BMPR1A: variants seen among roughly 807,000 people sequenced by gnomAD.
BMPR1A encodes bone morphogenetic protein receptor type-1A.
BMPR1A carries 7 observed loss-of-function variants against 66.0 expected under a neutral mutation model. The ratio of observed to expected loss-of-function variants is 0.11; its 90% CI spans 0.06 to 0.20. The LOEUF (loss-of-function observed/expected upper bound fraction) is 0.20. Ranked by LOEUF, BMPR1A falls within the 10% of genes least tolerant of loss-of-function variation. The pLI is 1.00. For synonymous variants in BMPR1A, 200 were observed against 229.7 expected (o/e 0.87, Z 1.17); for missense variants, 408 against 669.1 (o/e 0.61, Z 4.31).
intron 2 of BMPR1A, among the ~76,000 whole-genome samples, chr10:86,846,125 A>T (rs528073224): frequency 6.6e-6 from 1 of 152,182 alleles, no homozygotes; most frequent in African/African-American, 2.4e-5. Flanking sequence ...AGAATGCTCT[A>T]AGAGCCCTCA....
chr10:86,800,332 G>C (rs1047347907), intron 1 of BMPR1A, among the ~76,000 whole-genome samples: 1 of 152,148 alleles, frequency 6.6e-6, no homozygotes, highest in African/African-American at 2.4e-5. Context: ...AGTGAGCCGA[G>C]GGGGGAGTGA....
intron 2 of BMPR1A, among the ~76,000 whole-genome samples, chr10:86,850,283 C>T (rs1418046732): frequency 7.9e-5 from 12 of 151,052 alleles, no homozygotes; most frequent in East Asian, 2.0e-4. Flanking sequence ...ATAGCGCCAC[C>T]GCACTCCAGC....
At chr10:86,812,135 T>C (rs1004280266) in intron 1 of BMPR1A, among the ~76,000 whole-genome samples, 3 of 152,068 alleles carry the variant, frequency 2.0e-5, no homozygotes, top group Admixed American at 1.3e-4. Flanking sequence ...TCTATAGATA[T>C]AACAAACTAC....
intron 2 of BMPR1A, among the ~76,000 whole-genome samples, chr10:86,847,401 G>A (rs1374427691): frequency 6.6e-6 from 1 of 151,794 alleles, no homozygotes; most frequent in Non-Finnish European, 1.5e-5. Context: ...TTTAACCTCT[G>A]ATTATATCTT....
chr10:86,871,637 C>A (rs955240324), intron 2 of BMPR1A, among the ~76,000 whole-genome samples: 1 of 151,902 alleles, frequency 6.6e-6, no homozygotes, highest in Non-Finnish European at 1.5e-5. Flanking sequence ...CATGGCAAAC[C>A]CCATCTCAAC....
At chr10:86,881,911 T>C (rs1447293639) in intron 3 of BMPR1A, among the ~76,000 whole-genome samples, 1 of 152,220 alleles carries the variant, frequency 6.6e-6, no homozygotes, top group African/African-American at 2.4e-5. Context: ...ATAATATAAT[T>C]GGAAATTTGA....
At position 86,917,255 on chromosome 10, in the gene BMPR1A, C is replaced by G. The variant is rs1554890797; in HGVS notation, c.797C>G (p.Thr266Ser). The change falls in exon 9 of 13, where the codon ACT (threonine) becomes AGT (serine). Residue 266 changes from threonine to serine, a missense_variant. Physicochemically the swap from Thr to Ser is moderately conservative, Grantham distance 58 (BLOSUM62 1). This residue lies in a region of BMPR1A where 174 missense variants were observed against 265.1 expected (regional missense o/e 0.66). Coordinates refer to ENST00000372037, the MANE Select transcript of BMPR1A (RefSeq NM_004329.3). The stretch of plus-strand genomic sequence containing the variant: ...GTGGCGGTGAAAGTATTCTTTACCA[C>G]TGAAGAAGCCAGCTGGTTTCGAGAA... ...EKVAVKVFFTTEEASWFRETE... is the reference protein window; with the variant it reads ...EKVAVKVFFTSEEASWFRETE... The G allele has an allele frequency of 1.2e-6, 2 of 1,613,912 alleles. No individual in the cohort carries two copies. The highest frequency in any genetic ancestry group is 8.5e-7 in the Non-Finnish European group (1 of 1,179,904).
chr10:86,797,564 C>T (rs888309942), intron 1 of BMPR1A, among the ~76,000 whole-genome samples: 3 of 151,972 alleles, frequency 2.0e-5, no homozygotes, highest in African/African-American at 7.3e-5. Flanking sequence ...CGAGGTTTCA[C>T]CACGTTGGCC....
chr10:86,903,713 G>A (rs772894903), intron 7 of BMPR1A, among the ~76,000 whole-genome samples: 9 of 151,956 alleles, frequency 5.9e-5, no homozygotes, highest in Admixed American at 3.9e-4. Context: ...CCGGGTTTAC[G>A]CCATTCTCTT....
intron 1 of BMPR1A, among the ~76,000 whole-genome samples, chr10:86,835,891 G>A (rs1021120936): frequency 6.6e-6 from 1 of 152,188 alleles, no homozygotes; most frequent in African/African-American, 2.4e-5. Flanking sequence ...GTGTTTGTTT[G>A]CAAATAATTA....
intron 2 of BMPR1A, among the ~76,000 whole-genome samples, chr10:86,842,610 C>T (rs756581452): frequency 4.6e-5 from 7 of 152,036 alleles, no homozygotes; most frequent in Non-Finnish European, 1.0e-4. Context: ...TATTTTGGAT[C>T]GTAATTTTTT....
intron 2 of BMPR1A, among the ~76,000 whole-genome samples, chr10:86,849,790 C>T (rs947015873): frequency 6.6e-5 from 10 of 152,100 alleles, no homozygotes; most frequent in Admixed American, 5.2e-4. Context: ...GAATGTTGTT[C>T]CTAGGTATCA....
At chr10:86,817,181 C>G (rs1032289837) in intron 1 of BMPR1A, among the ~76,000 whole-genome samples, 2 of 152,184 alleles carry the variant, frequency 1.3e-5, no homozygotes, top group Middle Eastern at 3.2e-3. Flanking sequence ...CACCATCCAT[C>G]TCCCATACTC....
intron 1 of BMPR1A, among the ~76,000 whole-genome samples, chr10:86,778,568 A>G (rs1468977635): frequency 2.6e-5 from 4 of 152,212 alleles, no homozygotes; most frequent in African/African-American, 4.8e-5. Context: ...CATATCCATC[A>G]TCTTAAACAT....
rs113577558 is a variant in BMPR1A, at chr10:86,845,825, G to A, written c.-153+6846G>A. Among the ~76,000 whole-genome samples, 826 of 151,968 alleles carry A rather than the reference G, an allele frequency of 5.4e-3. 4 individuals carry two copies. The highest frequency in any genetic ancestry group is 0.01 in the Middle Eastern group (3 of 292). ...ATCCTGGCTAACATGGTGAAACCCCGTCTCTACTAAAAATACAAAAAATTA... is the reference window on the plus strand; with the variant it reads ...ATCCTGGCTAACATGGTGAAACCCCATCTCTACTAAAAATACAAAAAATTA... On this transcript the variant is annotated intron_variant, in intron 2 of 12. Coordinates refer to ENST00000372037, the MANE Select transcript of BMPR1A (RefSeq NM_004329.3).
rs1190481905 is a variant in BMPR1A at position 86,790,234 on chromosome 10, T to TATAA, written c.-268+33317_-268+33318insAAAT. On this transcript the variant is annotated intron_variant, in intron 1 of 12. Coordinates refer to ENST00000372037, the MANE Select transcript of BMPR1A (RefSeq NM_004329.3). ...ATATATATATATATATATATATATA[T>TATAA]ATCAAAACCACAATGAGATTCTGCT... 1.1e-3 allele frequency among the ~76,000 whole-genome samples: 52 copies of TATAA among 48,010 alleles called. 7 individuals carry two copies. The highest frequency in any genetic ancestry group is 1.6e-3 in the Non-Finnish European group (39 of 23,670). 31.5% of individuals were successfully genotyped at this position (48,010 alleles called of 152,430 possible).
intron 8 of BMPR1A, among the ~76,000 whole-genome samples, chr10:86,912,845 T>G (rs1270873843): frequency 6.6e-6 from 1 of 152,192 alleles, no homozygotes; most frequent in Non-Finnish European, 1.5e-5. Context: ...GAGAGGATGC[T>G]TCTCTCAATA....
intron 1 of BMPR1A, among the ~76,000 whole-genome samples, chr10:86,795,864 G>A (rs952430850): frequency 9.2e-5 from 14 of 151,990 alleles, no homozygotes; most frequent in African/African-American, 3.4e-4. Flanking sequence ...GTTTAATAAT[G>A]CAGTTAAACA....
chr10:86,929,550 T>C (rs1478797729), downstream of BMPR1A: 1 of 152,250 alleles, frequency 6.6e-6, no homozygotes, highest in African/African-American at 2.4e-5. Flanking sequence ...TGGCACTGAT[T>C]ATTGTTCCTC....
Sources: allele counts gnomAD v4.1 joint callset (sites outside exome capture counted in the v4.1 genomes callset), GRCh38; gene constraint gnomAD v4.1.1; regional missense constraint gnomAD v4.1.1; transcripts MANE v1.5; gene names NCBI Gene and HGNC (gene_info 2026-07-23, HGNC 2026-07-21).